SOBP: variants seen among roughly 807,000 people sequenced by gnomAD.
SOBP encodes sine oculis-binding protein homolog.
A neutral mutation model predicts 53.6 loss-of-function variants in SOBP; 4 were observed. The ratio of observed to expected loss-of-function variants is 0.07; its 90% confidence interval spans 0.04 to 0.17. SOBP has a LOEUF of 0.17. Among genes scored for constraint, SOBP ranks in the 10% least tolerant of loss-of-function variants. SOBP has a pLI of 1.00. For missense variants in SOBP, 1,088 were observed against 1,204.7 expected, an observed-to-expected ratio of 0.90 and a Z score of 1.43; for synonymous variants, 584 against 522.6, an observed-to-expected ratio of 1.12 and a Z score of -1.60.
chr6:107,598,238 C>T (rs1786021054), intron 5 of SOBP, among the ~76,000 whole-genome samples: 1 of 152,086 alleles, frequency 6.6e-6, no homozygotes, highest in Non-Finnish European at 1.5e-5. Context: ...TAATAAAGTG[C>T]CAGATGGTGT....
intron 4 of SOBP, among the ~76,000 whole-genome samples, chr6:107,550,544 TG>T (rs1346067641): frequency 2.6e-5 from 4 of 152,112 alleles, no homozygotes; most frequent in African/African-American, 9.7e-5. Flanking sequence ...CACAGTTGAA[TG>T]GGGAGAGCAA....
rs2115144236 is a variant in SOBP at position 107,634,113 on chromosome 6, C to A, written c.1269C>A (p.Asn423Lys). The change falls in exon 6 of 7, where the codon AAC (asparagine) becomes AAA (lysine). Residue 423 changes from asparagine (N) to lysine (K), a missense_variant. Physicochemically the swap from Asn to Lys is moderately conservative, Grantham distance 94. Transcript: ENST00000317357. The surrounding 1 kb of genome is among the most constrained non-coding windows in gnomAD (Gnocchi z 4.5). ...RGPPHHASNP[N>K]SPLSNPMLPG... is the part of the protein sequence containing the mutation. ...CTCCGCACCATGCCTCCAACCCCAA[C>A]AGCCCCCTGTCCAACCCCATGCTTC... 1 of 1,605,044 alleles carries A rather than the reference C, an allele frequency of 6.2e-7. No individual in the cohort carries two copies.
chr6:107,633,260 T>C (rs185642148), intron 5 of SOBP, among the ~76,000 whole-genome samples: 5 of 152,322 alleles, frequency 3.3e-5, no homozygotes, highest in African/African-American at 1.2e-4. Context: ...TAAGTCATGC[T>C]TAAAGGGGAC....
At chr6:107,592,609 G>C (rs1411952874) in intron 5 of SOBP, among the ~76,000 whole-genome samples, 1 of 152,166 alleles carries the variant, frequency 6.6e-6, no homozygotes, top group Admixed American at 6.5e-5. Flanking sequence ...TTAAAATCAT[G>C]ATGACACACT....
At chr6:107,657,087 A>G (rs1772100445) in intron 6 of SOBP, among the ~76,000 whole-genome samples, 1 of 152,228 alleles carries the variant, frequency 6.6e-6, no homozygotes, top group Non-Finnish European at 1.5e-5. Flanking sequence ...CTGAGCTACG[A>G]GTTGGGTGTA....
In SOBP at chr6:107,631,557, C is replaced by A. The variant is rs982044762; in HGVS notation, c.670-1957C>A. Among the ~76,000 whole-genome samples the A allele has an allele frequency of 2.6e-5, 4 of 152,168 alleles. No individual in the cohort carries two copies. The South Asian group carries it at 8.3e-4, about 31-fold the overall frequency. On this transcript the variant is annotated intron_variant, in intron 5 of 6. Coordinates refer to ENST00000317357, the MANE Select transcript of SOBP (RefSeq NM_018013.4). ...GTCTGATGGATTCTGTGGGTCTCTT[C>A]TCATCAGAGGCAATTCTGCACTTTT...
intron 4 of SOBP, among the ~76,000 whole-genome samples, chr6:107,551,812 G>A (rs983261248): frequency 1.3e-5 from 2 of 152,206 alleles, no homozygotes; most frequent in African/African-American, 4.8e-5. Flanking sequence ...CTTGGGGTCA[G>A]GAGTTCGATA....
chr6:107,491,722 GCGGTCTT>G (rs1204820035), intron 1 of SOBP, among the ~76,000 whole-genome samples: 4 of 152,138 alleles, frequency 2.6e-5, no homozygotes, highest in Non-Finnish European at 5.9e-5. Context: ...TTTGCATTTT[GCGGTCTT>G]CTTGGTGTTC....
intron 5 of SOBP, among the ~76,000 whole-genome samples, chr6:107,588,530 A>C (rs771814172): frequency 6.6e-6 from 1 of 152,146 alleles, no homozygotes; most frequent in Non-Finnish European, 1.5e-5. Context: ...TTCGGTTTTA[A>C]TGTGTCTCTG....
intron 4 of SOBP, 101 bp from the exon 5 acceptor site, chr6:107,586,979 C>A: frequency 1.1e-6 from 1 of 884,594 alleles, no homozygotes; most frequent in Non-Finnish European, 1.9e-6. Context: ...GTTGTTATTT[C>A]TGGATTCCCG....
intron 3 of SOBP, among the ~76,000 whole-genome samples, chr6:107,532,256 C>T: frequency 6.6e-6 from 1 of 150,612 alleles, no homozygotes; most frequent in Non-Finnish European, 1.5e-5. Context: ...CACACACACA[C>T]ACACACACAC....
chr6:107,620,883 A>G (rs1442010492), intron 5 of SOBP, among the ~76,000 whole-genome samples: 8 of 152,184 alleles, frequency 5.3e-5, no homozygotes, highest in Admixed American at 5.2e-4. Flanking sequence ...CCAAGAGTCC[A>G]GTTGTATGAA....
intron 5 of SOBP, among the ~76,000 whole-genome samples, chr6:107,628,361 G>T (rs1008631978): frequency 6.6e-6 from 1 of 152,174 alleles, no homozygotes; most frequent in African/African-American, 2.4e-5. Context: ...CCTGGGGACA[G>T]AGCCTCCTAG....
chr6:107,602,584 A>G (rs1302727948), intron 5 of SOBP, among the ~76,000 whole-genome samples: 1 of 151,706 alleles, frequency 6.6e-6, no homozygotes, highest in African/African-American at 2.4e-5. Context: ...AAAAAAAAAA[A>G]AAAGGAAAGG....
chr6:107,637,331 A>G (rs903091428), intron 6 of SOBP, among the ~76,000 whole-genome samples: 2 of 152,242 alleles, frequency 1.3e-5, no homozygotes, highest in Non-Finnish European at 2.9e-5. Flanking sequence ...CAGAGCAAGG[A>G]GACTTGTCAG....
intron 1 of SOBP, among the ~76,000 whole-genome samples, chr6:107,497,045 G>A (rs966221502): frequency 1.3e-5 from 2 of 152,156 alleles, no homozygotes; most frequent in African/African-American, 4.8e-5. Context: ...ACTTGAACAA[G>A]GCTTCTGCCT....
rs1330451870 is a variant in SOBP at position 107,634,878 on chromosome 6, G to A, written c.2034G>A (p.Ala678=). The change falls in exon 6 of 7, where the codon GCG becomes GCA. Residue 678 remains alanine (A), a synonymous_variant. Transcript: ENST00000317357. The surrounding 1 kb of genome is among the most constrained non-coding windows in gnomAD (Gnocchi z 4.5). The part of the protein sequence containing the change: ...IHRALHAHVK[A]EREPSAAERR... ...GCGCGCTGCACGCGCACGTCAAGGC[G>A]GAGCGCGAGCCGAGCGCCGCGGAGC... is the stretch of plus-strand genomic sequence containing the variant. The A allele has an allele frequency of 3.7e-6, 5 of 1,343,468 alleles. No individual in the cohort carries two copies. Among genetic ancestry groups the A allele is most frequent in the South Asian group, 1.7e-5 (1 of 60,300 alleles). 83.2% of individuals were successfully genotyped at this position (1,343,468 alleles called of 1,614,324 possible). A position where few individuals can be genotyped will look rare whatever the true frequency, so the allele number is the denominator to read the frequency against.
chr6:107,571,732 C>T (rs991073323), intron 4 of SOBP, among the ~76,000 whole-genome samples: 1 of 152,092 alleles, frequency 6.6e-6, no homozygotes, highest in Non-Finnish European at 1.5e-5. Flanking sequence ...ATTTTAACCT[C>T]GAAACAAGAC....
chr6:107,503,106 G>A (rs1437124786), intron 1 of SOBP, among the ~76,000 whole-genome samples: 1 of 152,118 alleles, frequency 6.6e-6, no homozygotes, highest in Admixed American at 6.5e-5. Flanking sequence ...AAAAAAGGAA[G>A]ACCCTTGTAA....
Sources: gnomAD v4.1 joint callset for allele counts (sites outside exome capture counted in the v4.1 genomes callset) on GRCh38, gnomAD v4.1.1 for gene constraint, Gnocchi (gnomAD v3.1) non-coding constraint, MANE v1.5 for transcripts, NCBI Gene and HGNC (gene_info 2026-07-23, HGNC 2026-07-21) for gene names.